The following CCDC178 variants were observed in gnomAD, a reference collection of about 807,000 sequenced individuals.
CCDC178 encodes the protein coiled-coil domain-containing protein 178.
CCDC178 carries 126 observed loss-of-function variants against 117.4 expected under a neutral mutation model. That is an observed-to-expected ratio of 1.07 (90% confidence interval 0.93 to 1.24). The LOEUF is 1.24. Ranked by LOEUF, CCDC178 falls within the 50% of genes most tolerant of loss-of-function variation. The pLI, the probability that CCDC178 is intolerant of heterozygous loss-of-function variation, is 0.00. For synonymous variants in CCDC178, 283 were observed against 313.4 expected (o/e 0.90, Z 1.02); for missense variants, 1,030 against 986.9 (o/e 1.04, Z -0.59).
chr18:33,391,529 A>G (rs531125547), intron 4 of CCDC178, among the ~76,000 whole-genome samples: 1 of 152,272 alleles, frequency 6.6e-6, no homozygotes, highest in East Asian at 1.9e-4. Context: ...TAGGTATGTT[A>G]GACAACAATT....
intron 5 of CCDC178, among the ~76,000 whole-genome samples, chr18:33,386,805 A>G (rs992000790): frequency 6.6e-6 from 1 of 152,174 alleles, no homozygotes; most frequent in Non-Finnish European, 1.5e-5. Flanking sequence ...GAAAATAGGT[A>G]TAAGACAAGG....
chr18:33,276,138 G>A (rs1298205935), intron 12 of CCDC178, among the ~76,000 whole-genome samples: 1 of 151,938 alleles, frequency 6.6e-6, no homozygotes, highest in Non-Finnish European at 1.5e-5. Context: ...ATAACTCTTT[G>A]GGAAAACTTT....
chr18:32,996,212 C>A (rs990278959), intron 21 of CCDC178, among the ~76,000 whole-genome samples: 1 of 151,738 alleles, frequency 6.6e-6, no homozygotes, highest in African/African-American at 2.4e-5. Flanking sequence ...AAAACAACAG[C>A]AAGAAAACCC....
In CCDC178 at chr18:33,223,111, T is replaced by A. The variant is rs201497010; in HGVS notation, c.1927A>T (p.Thr643Ser). 9.7e-5 allele frequency: 154 copies of A among 1,590,352 alleles called. No individual in the cohort carries two copies. The highest frequency in any genetic ancestry group is 1.2e-4 in the Non-Finnish European group (144 of 1,165,268). The change falls in exon 18 of 23, where the codon ACT (threonine) becomes TCT (serine). Residue 643 changes from threonine to serine, a missense_variant. Thr to Ser is a moderately conservative substitution (Grantham distance 58). Transcript: ENST00000383096. ...GKKTLDALIE[T>S]ESKRSAIFKD... The stretch of plus-strand genomic sequence containing the variant: ...TTCTGAACTTAAATTCTTACCTCAG[T>A]TTCTATTAATGCATCAAGGGTTTTC...
At chr18:33,086,425 T>TACACAC (rs574137969) in intron 21 of CCDC178, among the ~76,000 whole-genome samples, 162 of 147,926 alleles carry the variant, frequency 1.1e-3, no homozygotes, top group African/African-American at 3.7e-3. Flanking sequence ...TAAATATATA[T>TACACAC]ACACACACAC....
At chr18:33,089,769 CT>C (rs1198729936) in intron 21 of CCDC178, among the ~76,000 whole-genome samples, 2 of 151,982 alleles carry the variant, frequency 1.3e-5, no homozygotes, top group Admixed American at 1.3e-4. Flanking sequence ...TACCCATGGA[CT>C]TTTTTTAACT....
chr18:33,323,748 C>T (rs984097264), intron 10 of CCDC178, 115 bp from the exon 11 acceptor site: 1 of 574,208 alleles, frequency 1.7e-6, no homozygotes, highest in African/African-American at 1.9e-5. Context: ...CATTTTCTTC[C>T]CACATTTAGC....
Position 33,304,205 on chromosome 18 carries a change from G to A in CCDC178, c.1023-10893C>T, listed in dbSNP as rs929870221. 8.5e-5 allele frequency among the ~76,000 whole-genome samples: 13 copies of A among 152,262 alleles called. No individual in the cohort carries two copies. In the East Asian group the frequency reaches 1.5e-3, roughly 18 times the overall value. On this transcript the variant is annotated intron_variant, in intron 11 of 22. Coordinates refer to ENST00000383096, the MANE Select transcript of CCDC178 (RefSeq NM_001105528.4). ...TCTCACCAGTTCTGTGATCCCCTAG[G>A]TTCTCCAGCTCTGGGTCTTTTACCA...
chr18:33,153,673 A>G (rs78044470), intron 20 of CCDC178, among the ~76,000 whole-genome samples: 1 of 152,278 alleles, frequency 6.6e-6, no homozygotes, highest in East Asian at 1.9e-4. Flanking sequence ...GAACAAAACA[A>G]TTTAGAAGTC....
intron 11 of CCDC178, among the ~76,000 whole-genome samples, chr18:33,314,195 C>T (rs1294419179): frequency 1.2e-3 from 99 of 85,858 alleles, no homozygotes; most frequent in African/African-American, 4.5e-3. Context: ...AGCGAGACTC[C>T]GTCTCAAAAA....
chr18:33,174,048 G>T (rs2058635319), intron 20 of CCDC178, among the ~76,000 whole-genome samples: 1 of 152,166 alleles, frequency 6.6e-6, no homozygotes, highest in African/African-American at 2.4e-5. Context: ...TTGGCTCACG[G>T]TTCTGCAGGC....
At chr18:33,040,710 A>T (rs1412372834) in intron 21 of CCDC178, among the ~76,000 whole-genome samples, 1 of 152,022 alleles carries the variant, frequency 6.6e-6, no homozygotes, top group Non-Finnish European at 1.5e-5. Flanking sequence ...TTTAAAATGA[A>T]CTCAAGGAAA....
intron 12 of CCDC178, among the ~76,000 whole-genome samples, chr18:33,267,812 T>G (rs902300189): frequency 2.6e-5 from 4 of 151,546 alleles, no homozygotes; most frequent in African/African-American, 9.7e-5. Context: ...AGAAGAATTC[T>G]ATTTAAAACA....
intron 14 of CCDC178, among the ~76,000 whole-genome samples, chr18:33,257,438 C>A (rs566245152): frequency 1.4e-4 from 21 of 152,164 alleles, no homozygotes; most frequent in African/African-American, 4.3e-4. Context: ...TTATTTGAAG[C>A]CACTAAAATT....
intron 20 of CCDC178, among the ~76,000 whole-genome samples, chr18:33,114,848 A>C (rs1240963832): frequency 6.6e-6 from 1 of 152,082 alleles, no homozygotes; most frequent in Non-Finnish European, 1.5e-5. Context: ...AATCTGTTCC[A>C]TATTTCCAAA....
At chr18:33,284,816 C>T (rs56675518) in intron 12 of CCDC178, among the ~76,000 whole-genome samples, 12,082 of 151,870 alleles carry the variant, frequency 0.08, 772 homozygotes, top group African/African-American at 0.18. Flanking sequence ...TATGTGAGAA[C>T]GCAAGGAGAG....
At chr18:32,989,501 T>C (rs1394359044) in intron 21 of CCDC178, among the ~76,000 whole-genome samples, 7 of 152,306 alleles carry the variant, frequency 4.6e-5, no homozygotes, top group African/African-American at 1.7e-4. Context: ...ACTAAATATT[T>C]AATCTTTGTG....
intron 21 of CCDC178, among the ~76,000 whole-genome samples, chr18:32,975,389 C>T (rs1260191934): frequency 1.3e-5 from 2 of 152,092 alleles, no homozygotes; most frequent in African/African-American, 2.4e-5. Flanking sequence ...AAAGAATTCA[C>T]CTATGACATG....
chr18:33,430,165 G>A (rs774135893), intron 2 of CCDC178, among the ~76,000 whole-genome samples: 1 of 152,106 alleles, frequency 6.6e-6, no homozygotes, highest in Non-Finnish European at 1.5e-5. Flanking sequence ...CTTTACTTGA[G>A]TAAAATAAAA....
Sources: allele counts gnomAD v4.1 joint callset (sites outside exome capture counted in the v4.1 genomes callset), GRCh38; gene constraint gnomAD v4.1.1; transcripts MANE v1.5; gene names NCBI Gene and HGNC (gene_info 2026-07-23, HGNC 2026-07-21).